ZNF717: variants seen among roughly 807,000 people sequenced by gnomAD.
ZNF717 encodes zinc finger protein 717, also known as krueppel-like factor X17.
A neutral mutation model predicts 13.8 loss-of-function variants in ZNF717; 9 were observed. The observed-to-expected ratio is 0.65, with a 90% confidence interval of 0.39 to 1.14. ZNF717 has a LOEUF of 1.14. Among genes scored for constraint, ZNF717 ranks in the 50% most tolerant of loss-of-function variants. The pLI is 0.01. For missense variants in ZNF717, 1,040 were observed against 1,080.7 expected (o/e 0.96, Z 0.53); for synonymous variants, 327 against 364.1 (o/e 0.90, Z 1.16).
intron 2 of ZNF717, among the ~76,000 whole-genome samples, chr3:75,744,426 A>C (rs1230215448): frequency 6.6e-6 from 1 of 152,254 alleles, no homozygotes; most frequent in African/African-American, 2.4e-5. Flanking sequence ...AGTTCTTTCT[A>C]GATTTGAAAC....
rs1939963640 is a variant in ZNF717, at chr3:75,739,031, G to A, written c.592C>T (p.Gln198Ter). 3.9e-6 allele frequency: 6 copies of A among 1,551,602 alleles called. No individual in the cohort carries two copies. The highest frequency in any genetic ancestry group is 5.2e-6 in the Non-Finnish European group (6 of 1,146,928). ...RSHRHHEHLT[Q>*]HHKIQTLLQT... ...AGCAGAGTTTGAATCTTGTGATGCT[G>A]AGTAAGATGTTCATGATGTCTGTGG... Residue 198 changes from glutamine (Q) to a stop codon, truncating the protein, a stop_gained, in exon 5 of 5, where the codon CAG becomes TAG. Transcript: ENST00000652011. LOFTEE classifies it low-confidence loss of function (END_TRUNC).
At chr3:75,697,140 T>C (rs1379611563) in intron 6 of ZNF717, among the ~76,000 whole-genome samples, 2 of 152,304 alleles carry the variant, frequency 1.3e-5, no homozygotes, top group African/African-American at 4.8e-5. Flanking sequence ...TGTCCACTTT[T>C]ACCACTGTTA....
chr3:75,748,766 C>T (rs1941405892), intron 2 of ZNF717, among the ~76,000 whole-genome samples: 1 of 152,166 alleles, frequency 6.6e-6, no homozygotes, highest in South Asian at 2.1e-4. Flanking sequence ...GAAGGATTCC[C>T]TTTGAAAATG....
intron 1 of ZNF717, 110 bp downstream of exon 1, chr3:75,785,274 G>A (rs1945080545): frequency 1.3e-5 from 2 of 152,254 alleles, no homozygotes; most frequent in Admixed American, 6.5e-5. Context: ...GCAGACTCCG[G>A]GCCCAGGGCC....
chr3:75,764,806 T>C (rs1194386857), intron 2 of ZNF717, among the ~76,000 whole-genome samples: 2 of 151,802 alleles, frequency 1.3e-5, no homozygotes, highest in Non-Finnish European at 2.9e-5. Context: ...AAATATGAAC[T>C]GGCTCCTCAA....
At chr3:75,748,282 C>G (rs1377632228) in intron 2 of ZNF717, among the ~76,000 whole-genome samples, 4 of 152,136 alleles carry the variant, frequency 2.6e-5, no homozygotes, top group African/African-American at 7.2e-5. Context: ...TGGTACCATT[C>G]CTTCTGAAAC....
downstream of ZNF717, among the ~76,000 whole-genome samples, chr3:75,725,549 A>G (rs2918488): frequency 0.49 from 65,372 of 133,360 alleles, 13,624 homozygotes; most frequent in South Asian, 0.64. Context: ...GTATTAGTCT[A>G]TTCTCATGCT....
chr3:75,711,738 T>C (rs1374353079), intron 5 of ZNF717, among the ~76,000 whole-genome samples: 1 of 152,164 alleles, frequency 6.6e-6, no homozygotes, highest in Non-Finnish European at 1.5e-5. Flanking sequence ...GGCAACAGAG[T>C]GAGACCCTGT....
chr3:75,770,577 GAAAAT>G lies in ZNF717; in HGVS notation c.57+12724_57+12728del. Among the ~76,000 whole-genome samples, 3 of 152,110 alleles carry G rather than the reference GAAAAT, an allele frequency of 2.0e-5. 1 individual carries two copies. The highest frequency in any genetic ancestry group is 7.2e-5 in the African/African-American group (3 of 41,504). On this transcript the variant is annotated intron_variant, in intron 2 of 4. Transcript: ENST00000652011. ...CTCTGTCTCAAAAGAAAAAAAAATT[GAAAAT>G]AAAAGAACAACCAAACAAAAGTAAC...
At chr3:75,727,733 C>T (rs112553556), downstream of ZNF717, among the ~76,000 whole-genome samples, 35 of 152,306 alleles carry the variant, frequency 2.3e-4, no homozygotes, top group African/African-American at 7.9e-4. Flanking sequence ...AGACCCTCAT[C>T]AGTGGTTCTA....
At chr3:75,721,386 C>T (rs80291058) in intron 4 of ZNF717, among the ~76,000 whole-genome samples, 1 of 152,192 alleles carries the variant, frequency 6.6e-6, no homozygotes, top group East Asian at 1.9e-4. Flanking sequence ...CATTCAAGTG[C>T]TTCTCCTGTC....
chr3:75,760,105 T>G (rs1205209135), intron 2 of ZNF717, among the ~76,000 whole-genome samples: 2 of 152,236 alleles, frequency 1.3e-5, no homozygotes, highest in Non-Finnish European at 2.9e-5. Context: ...CTCAGCTCAC[T>G]GCAACCTCCG....
chr3:75,747,447 GGGCAGTAT>G (rs1346766426), intron 2 of ZNF717, among the ~76,000 whole-genome samples: 243 of 152,182 alleles, frequency 1.6e-3, no homozygotes, highest in African/African-American at 5.7e-3. Context: ...AAATTACCTT[GGGCAGTAT>G]GGCGATTTTC....
At chr3:75,711,312 T>G (rs1937932333) in exon 6 of ZNF717, 1 of 152,256 alleles carries the variant, frequency 6.6e-6, no homozygotes, top group Non-Finnish European at 1.5e-5. Flanking sequence ...AAAGTTTTCT[T>G]AAATCTGGAA....
intron 6 of ZNF717, among the ~76,000 whole-genome samples, chr3:75,696,258 G>GA (rs1334575441): frequency 6.6e-6 from 1 of 152,036 alleles, no homozygotes; most frequent in Admixed American, 6.6e-5. Context: ...ATTGAACTAG[G>GA]AAAAAATCTA....
chr3:75,761,214 G>C (rs1277823247), intron 2 of ZNF717, among the ~76,000 whole-genome samples: 3 of 152,210 alleles, frequency 2.0e-5, no homozygotes, highest in African/African-American at 7.2e-5. Flanking sequence ...AACATTTCAA[G>C]AAGAATTAAT....
Position 75,751,055 on chromosome 3 carries a change from G to A in ZNF717, c.58-9319C>T, listed in dbSNP as rs368492098. On this transcript the variant is annotated intron_variant, in intron 2 of 4. Coordinates refer to ENST00000652011, the MANE Select transcript of ZNF717 (RefSeq NM_001290208.3). ...CCCTCACACAGGATTCCAGAATACTGTTGCTGGGTTCTGAGTATTTGTTCC... is the reference window on the plus strand; with the variant it reads ...CCCTCACACAGGATTCCAGAATACTATTGCTGGGTTCTGAGTATTTGTTCC... Among the ~76,000 whole-genome samples the A allele has an allele frequency of 8.8e-5, 13 of 146,934 alleles. No individual in the cohort carries two copies. In the East Asian group the frequency reaches 2.6e-3, roughly 29 times the overall value.
intron 5 of ZNF717, among the ~76,000 whole-genome samples, chr3:75,711,632 T>TA (rs989126375): frequency 2.9e-4 from 44 of 151,724 alleles, no homozygotes; most frequent in African/African-American, 6.0e-4. Context: ...CCCATCTCTA[T>TA]AAAAAAAATA....
chr3:75,755,321 G>C (rs1173614111), intron 2 of ZNF717, among the ~76,000 whole-genome samples: 3 of 152,238 alleles, frequency 2.0e-5, no homozygotes, highest in African/African-American at 7.2e-5. Flanking sequence ...TAATTGATCT[G>C]ACCAAGAAGT....
Sources: allele counts gnomAD v4.1 joint callset (sites outside exome capture counted in the v4.1 genomes callset), GRCh38; gene constraint gnomAD v4.1.1; transcripts MANE v1.5; gene names NCBI Gene and HGNC (gene_info 2026-07-23, HGNC 2026-07-21).